BLTP1: variants seen among roughly 807,000 people sequenced by gnomAD.
The protein encoded by BLTP1 is fragile site-associated protein.
At chr4:122,229,899 A>G in the BLTP1 span, 1 of 1,582,516 alleles carries the variant, frequency 6.3e-7, no homozygotes, top group Non-Finnish European at 8.6e-7. Flanking sequence ...CAGAAATTAC[A>G]CTTTTGTTTC....
At chr4:122,276,037 T>G in the BLTP1 span, 1 of 1,574,072 alleles carries the variant, frequency 6.4e-7, no homozygotes, top group Non-Finnish European at 8.6e-7. Flanking sequence ...GTCATATTAT[T>G]CTTTTTCATG....
At chr4:122,209,734 A>G in the BLTP1 span, 1 of 1,494,964 alleles carries the variant, frequency 6.7e-7, no homozygotes, top group Non-Finnish European at 8.9e-7. Context: ...AATAATAATA[A>G]AATTTGATTA....
At chr4:122,271,297 T>C in the BLTP1 span, 2 of 1,614,002 alleles carry the variant, frequency 1.2e-6, no homozygotes, top group Non-Finnish European at 1.7e-6. Context: ...CTCAGACTGA[T>C]ATTAAACTTA....
At chr4:122,328,403 A>G in the BLTP1 span, 2 of 1,519,076 alleles carry the variant, frequency 1.3e-6, no homozygotes, top group African/African-American at 1.4e-5. Flanking sequence ...TTCAGAATCT[A>G]GAAATGAGCA....
the BLTP1 span, chr4:122,237,777 G>T: frequency 4.5e-6 from 1 of 224,332 alleles, no homozygotes; most frequent in East Asian, 1.8e-4. Context: ...GAAGTCAAGA[G>T]ATCAAGACCG....
At chr4:122,259,354 C>T in the BLTP1 span, among the ~76,000 whole-genome samples, 9 of 152,120 alleles carry the variant, frequency 5.9e-5, no homozygotes, top group Non-Finnish European at 1.0e-4. Context: ...TTTAACTGTA[C>T]GTCAGTTTCC....
At chr4:122,198,267 T>C in the BLTP1 span, 1 of 985,134 alleles carries the variant, frequency 1.0e-6, no homozygotes, top group East Asian at 1.1e-4. Context: ...GTGTTAAAAA[T>C]ACAATCTTAC....
the BLTP1 span, chr4:122,178,185 A>G: frequency 6.4e-5 from 54 of 849,876 alleles, no homozygotes; most frequent in Non-Finnish European, 7.2e-5. Context: ...ATAGACCTAT[A>G]CCAGTAGAAA....
At chr4:122,307,389 A>C in the BLTP1 span, 5 of 811,696 alleles carry the variant, frequency 6.2e-6, no homozygotes, top group Non-Finnish European at 7.4e-6. Context: ...CTCAACCTGC[A>C]TTTGCTTTTC....
chr4:122,313,760 G>A, the BLTP1 span: 1 of 905,028 alleles, frequency 1.1e-6, no homozygotes, highest in South Asian at 1.8e-5. Flanking sequence ...AGAATCTTTT[G>A]GCTAAGCTAA....
At chr4:122,298,148 G>C in the BLTP1 span, 1 of 729,384 alleles carries the variant, frequency 1.4e-6, no homozygotes, top group Non-Finnish European at 1.7e-6. Flanking sequence ...GATTTGTTTT[G>C]ATTCTTATTA....
chr4:122,242,173 C>A, the BLTP1 span, among the ~76,000 whole-genome samples: 8 of 152,128 alleles, frequency 5.3e-5, no homozygotes, highest in African/African-American at 1.7e-4. Flanking sequence ...TGTCTGTACT[C>A]CCATGTTAAT....
At chr4:122,197,960 G>A in the BLTP1 span, 1 of 984,014 alleles carries the variant, frequency 1.0e-6, no homozygotes, top group Non-Finnish European at 1.2e-6. Context: ...TTTCTTTCTT[G>A]AGAGTAAAGA....
At chr4:122,270,646 A>G in the BLTP1 span, among the ~76,000 whole-genome samples, 45 of 151,522 alleles carry the variant, frequency 3.0e-4, no homozygotes, top group African/African-American at 7.8e-4. Context: ...AGATTGTAGG[A>G]GGGGGGGATG....
At chr4:122,209,476 C>G in the BLTP1 span, 1 of 850,966 alleles carries the variant, frequency 1.2e-6, no homozygotes, top group South Asian at 1.6e-5. Flanking sequence ...GAAACCTTGT[C>G]TCTAGTAAAT....
chr4:122,318,622 A>G, the BLTP1 span, among the ~76,000 whole-genome samples: 61 of 152,308 alleles, frequency 4.0e-4, no homozygotes, highest in South Asian at 0.013. Flanking sequence ...AAAAAATGTG[A>G]AAAATTTTAA....
the BLTP1 span, among the ~76,000 whole-genome samples, chr4:122,259,432 C>A: frequency 6.6e-6 from 1 of 152,106 alleles, no homozygotes; most frequent in Non-Finnish European, 1.5e-5. Context: ...TGAGTTAATT[C>A]ATGAAAAATG....
chr4:122,338,310 A>T, the BLTP1 span, among the ~76,000 whole-genome samples: 4 of 151,906 alleles, frequency 2.6e-5, no homozygotes, highest in Non-Finnish European at 5.9e-5. Flanking sequence ...CTACCAAAAA[A>T]AAATAAAATA....
chr4:122,230,303 A>G, the BLTP1 span: 1 of 1,077,578 alleles, frequency 9.3e-7, no homozygotes, highest in Non-Finnish European at 1.4e-6. Context: ...AGAATGGACT[A>G]AGAATATTTT....
Sources: allele counts gnomAD v4.1 joint callset (sites outside exome capture counted in the v4.1 genomes callset), GRCh38; gene constraint gnomAD v4.1.1; transcripts MANE v1.5; gene names NCBI Gene and HGNC (gene_info 2026-07-23, HGNC 2026-07-21).